LRP2: variants seen among roughly 807,000 people sequenced by gnomAD.
LRP2 encodes LDL receptor related protein 2.
LRP2 carries 172 observed loss-of-function variants against 531.0 expected under a neutral mutation model. The ratio of observed to expected loss-of-function variants is 0.32; its 90% CI spans 0.29 to 0.37. The LOEUF (loss-of-function observed/expected upper bound fraction) is 0.37. Among genes scored for constraint, LRP2 ranks in the 10% least tolerant of loss-of-function variants. The pLI, the probability that LRP2 is intolerant of heterozygous loss-of-function variation, is 1.00. For missense variants in LRP2, 5,167 were observed against 5,868.3 expected, an observed-to-expected ratio of 0.88 and a Z score of 3.90; for synonymous variants, 1,992 against 2,027.6, an observed-to-expected ratio of 0.98 and a Z score of 0.47.
chr2:169,208,574 A>G (rs1688479829), intron 38 of LRP2, among the ~76,000 whole-genome samples: 1 of 152,126 alleles, frequency 6.6e-6, no homozygotes, highest in African/African-American at 2.4e-5. Flanking sequence ...CTCCTGCCTC[A>G]GGCTCCTGAG....
Position 169,247,459 on chromosome 2 carries a change from C to A in LRP2, c.2827G>T (p.Asp943Tyr). 1 of 1,614,174 alleles carries A rather than the reference C, an allele frequency of 6.2e-7. No individual in the cohort carries two copies. The highest frequency in any genetic ancestry group is 8.5e-7 in the Non-Finnish European group (1 of 1,180,010). Residue 943 changes from aspartate (D) to tyrosine (Y), a missense_variant, in exon 20 of 79, where the codon GAT becomes TAT. Coordinates refer to ENST00000649046, the MANE Select transcript of LRP2 (RefSeq NM_004525.3). ...LGAIIRVRKA[D>Y]GGEMTVIRSG... ...CGGATAACTGTCATTTCTCCACCATCTGCTTTCCTGACTCGAATAATGGCA... is the reference window on the plus strand; with the variant it reads ...CGGATAACTGTCATTTCTCCACCATATGCTTTCCTGACTCGAATAATGGCA...
At chr2:169,209,395 G>T in intron 38 of LRP2, 58 bp downstream of exon 38, 1 of 1,553,652 alleles carries the variant, frequency 6.4e-7, no homozygotes, top group African/African-American at 1.4e-5. Context: ...AAACTTTCTA[G>T]CATAAAATAA....
chr2:169,320,526 G>C (rs1164651416), intron 2 of LRP2, among the ~76,000 whole-genome samples: 7 of 152,130 alleles, frequency 4.6e-5, no homozygotes, highest in Admixed American at 4.6e-4. Flanking sequence ...TCAAAGTTGT[G>C]GTCAAGGGAT....
chr2:169,348,009 T>C (rs1685740111), intron 1 of LRP2, among the ~76,000 whole-genome samples: 1 of 152,198 alleles, frequency 6.6e-6, no homozygotes, highest in African/African-American at 2.4e-5. Context: ...TGACAACATA[T>C]ACAAATAAGG....
chr2:169,302,544 G>T (rs1267163507), intron 4 of LRP2, among the ~76,000 whole-genome samples: 3 of 152,108 alleles, frequency 2.0e-5, no homozygotes, highest in Non-Finnish European at 4.4e-5. Flanking sequence ...AGAGGCCAGG[G>T]ATACTGTTAG....
intron 63 of LRP2, among the ~76,000 whole-genome samples, chr2:169,159,338 G>C (rs1199388854): frequency 1.3e-5 from 2 of 152,124 alleles, no homozygotes; most frequent in African/African-American, 2.4e-5. Context: ...CACTCTCAGA[G>C]TCCTTTAGGG....
At chr2:169,358,029 C>T (rs934030717) in intron 1 of LRP2, among the ~76,000 whole-genome samples, 5 of 152,148 alleles carry the variant, frequency 3.3e-5, no homozygotes, top group Non-Finnish European at 7.4e-5. Flanking sequence ...AAGCTGAAAG[C>T]GCATGGTACA....
At chr2:169,248,135 T>C (rs1485096357) in intron 19 of LRP2, among the ~76,000 whole-genome samples, 1 of 109,288 alleles carries the variant, frequency 9.2e-6, no homozygotes, top group African/African-American at 3.8e-5. Context: ...ACAACCACAC[T>C]ACTAATGTTA....
chr2:169,197,228 T>C (rs1688035103), intron 45 of LRP2, among the ~76,000 whole-genome samples, 198 bp from the exon 46 acceptor site: 1 of 151,928 alleles, frequency 6.6e-6, no homozygotes, highest in African/African-American at 2.4e-5. Flanking sequence ...CCTGCCCCAA[T>C]TCCCCAATTT....
At position 169,176,506 on chromosome 2, in the gene LRP2, C is replaced by A; in HGVS notation, c.10476G>T (p.Glu3492Asp). The change falls in exon 54 of 79, where the codon GAG becomes GAT. Residue 3492 changes from glutamate to aspartate, a missense_variant. Glu to Asp is a conservative substitution (Grantham distance 45, BLOSUM62 2). Coordinates refer to ENST00000649046, the MANE Select transcript of LRP2 (RefSeq NM_004525.3). ...GAAGGGTGCGGAAGTCATCTGGACA[C>A]TCGCAAGTGAACCCTTTTCCTCCTG... is the stretch of plus-strand genomic sequence containing the variant. ...IKPGGKGFTC[E>D]CPDDFRTLQL... The A allele has an allele frequency of 6.2e-7, 1 of 1,614,220 alleles. No individual in the cohort carries two copies. Among genetic ancestry groups the A allele is most frequent in the East Asian group, 2.2e-5 (1 of 44,884 alleles).
chr2:169,174,242 G>A, intron 55 of LRP2, 78 bp from the exon 56 acceptor site: 2 of 1,552,086 alleles, frequency 1.3e-6, no homozygotes, highest in Non-Finnish European at 1.8e-6. Context: ...GTGAATCCTG[G>A]ATAGCAGGAT....
At chr2:169,165,833 A>T in intron 62 of LRP2, 99 bp downstream of exon 62, 2 of 1,450,548 alleles carry the variant, frequency 1.4e-6, no homozygotes, top group South Asian at 1.1e-5. Flanking sequence ...TCATGGGCAC[A>T]ACTCTATAGA....
intron 16 of LRP2, among the ~76,000 whole-genome samples, chr2:169,264,928 A>T (rs1690733098): frequency 6.6e-6 from 1 of 152,062 alleles, no homozygotes; most frequent in Non-Finnish European, 1.5e-5. Flanking sequence ...CTCAACACAG[A>T]ACTGAGATGG....
At chr2:169,289,308 G>C (rs562459217) in intron 8 of LRP2, among the ~76,000 whole-genome samples, 163 bp from the exon 9 acceptor site, 2 of 152,144 alleles carry the variant, frequency 1.3e-5, no homozygotes, top group Non-Finnish European at 2.9e-5. Context: ...TGCAATAAAA[G>C]TTCAACTGAG....
At chr2:169,312,209 G>T (rs1195193602) in intron 3 of LRP2, among the ~76,000 whole-genome samples, 1 of 151,924 alleles carries the variant, frequency 6.6e-6, no homozygotes, top group Non-Finnish European at 1.5e-5. Context: ...TACATTTAAG[G>T]TTAATATTGT....
chr2:169,133,043 A>G (rs1685350816), intron 76 of LRP2, among the ~76,000 whole-genome samples: 2 of 152,226 alleles, frequency 1.3e-5, no homozygotes, highest in South Asian at 4.1e-4. Context: ...TGGAAGCCAA[A>G]TCCTAGAAGA....
intron 63 of LRP2, among the ~76,000 whole-genome samples, chr2:169,160,334 T>A (rs1686527780): frequency 6.6e-6 from 1 of 152,130 alleles, no homozygotes; most frequent in South Asian, 2.1e-4. Flanking sequence ...GTTAATTTGC[T>A]TGATTATAAC....
intron 16 of LRP2, among the ~76,000 whole-genome samples, chr2:169,261,130 A>G (rs1690530695): frequency 6.6e-6 from 1 of 152,080 alleles, no homozygotes; most frequent in African/African-American, 2.4e-5. Context: ...AAACTTGACC[A>G]TGAAATGCAG....
chr2:169,244,571 A>G, intron 22 of LRP2, 122 bp downstream of exon 22: 1 of 1,299,138 alleles, frequency 7.7e-7, no homozygotes, highest in Non-Finnish European at 1.1e-6. Flanking sequence ...GACAAGTGGA[A>G]TAGAAGTACT....
Sources: gnomAD v4.1 joint callset for allele counts (sites outside exome capture counted in the v4.1 genomes callset) on GRCh38, gnomAD v4.1.1 for gene constraint, MANE v1.5 for transcripts, NCBI Gene and HGNC (gene_info 2026-07-23, HGNC 2026-07-21) for gene names.